Variants in CNTN3 observed in about 807,000 individuals in gnomAD.
CNTN3 encodes contactin 3.
CNTN3 carries 60 observed loss-of-function variants against 119.1 expected under a neutral mutation model. The ratio of observed to expected loss-of-function variants is 0.50; its 90% CI spans 0.41 to 0.62. The LOEUF is 0.62. CNTN3 is among the 20% of genes least tolerant of loss of function. CNTN3 has a pLI of 0.00. For synonymous variants in CNTN3, 450 were observed against 438.7 expected (o/e 1.03, Z -0.32); for missense variants, 1,101 against 1,242.4 (o/e 0.89, Z 1.71).
At chr3:74,560,889 C>T (rs1351820155) in intron 1 of CNTN3, among the ~76,000 whole-genome samples, 6 of 151,648 alleles carry the variant, frequency 4.0e-5, no homozygotes, top group Non-Finnish European at 7.4e-5. Flanking sequence ...ATGGATGAAG[C>T]TGGAAACCAT....
At chr3:74,597,861 A>G (rs1406268033) in intron 1 of CNTN3, among the ~76,000 whole-genome samples, 1 of 152,106 alleles carries the variant, frequency 6.6e-6, no homozygotes, top group Non-Finnish European at 1.5e-5. Flanking sequence ...AGGAGCTGAA[A>G]AAATTTCTTC....
chr3:74,308,026 C>CATCT (rs1349855129), intron 13 of CNTN3, among the ~76,000 whole-genome samples: 1 of 152,116 alleles, frequency 6.6e-6, no homozygotes, highest in Non-Finnish European at 1.5e-5. Flanking sequence ...ACATGTAAAT[C>CATCT]ATCTCCAGGT....
intron 1 of CNTN3, among the ~76,000 whole-genome samples, chr3:74,588,048 C>T (rs7642346): frequency 0.65 from 97,971 of 151,858 alleles, 32,191 homozygotes; most frequent in African/African-American, 0.78. Flanking sequence ...TCTATTGAGA[C>T]AATCATGTGG....
intron 4 of CNTN3, among the ~76,000 whole-genome samples, chr3:74,461,120 T>C (rs1702359703): frequency 6.6e-6 from 1 of 151,972 alleles, no homozygotes; most frequent in African/African-American, 2.4e-5. Context: ...ATTACTTTTC[T>C]TTCCCTCGCT....
intron 19 of CNTN3, among the ~76,000 whole-genome samples, chr3:74,291,923 C>G (rs993056327): frequency 6.6e-6 from 1 of 152,128 alleles, no homozygotes; most frequent in Non-Finnish European, 1.5e-5. Context: ...CTGGGCACTG[C>G]TTTAGAAAGA....
At chr3:74,455,620 TC>T (rs1167656903) in intron 4 of CNTN3, among the ~76,000 whole-genome samples, 4 of 152,056 alleles carry the variant, frequency 2.6e-5, no homozygotes, top group Non-Finnish European at 5.9e-5. Flanking sequence ...TTTTTCCCCA[TC>T]TTTGTGGTTT....
chr3:74,264,559 G>A, intron 22 of CNTN3, 58 bp from the exon 23 acceptor site: 3 of 1,132,472 alleles, frequency 2.6e-6, no homozygotes, highest in Non-Finnish European at 3.9e-6. Flanking sequence ...TAATCAGGGT[G>A]CTAGAGACTG....
At chr3:74,449,307 GT>G (rs1200758822) in intron 4 of CNTN3, among the ~76,000 whole-genome samples, 2 of 151,898 alleles carry the variant, frequency 1.3e-5, no homozygotes, top group African/African-American at 4.8e-5. Context: ...GAGGTTCTGA[GT>G]CTTAAGTAAA....
chr3:74,359,537 C>T (rs186387765), intron 11 of CNTN3, among the ~76,000 whole-genome samples: 21 of 152,052 alleles, frequency 1.4e-4, no homozygotes, highest in African/African-American at 3.1e-4. Context: ...GTTTGTGCCA[C>T]GAATCTATAC....
chr3:74,443,392 C>T (rs1701998196), intron 4 of CNTN3, among the ~76,000 whole-genome samples: 1 of 152,186 alleles, frequency 6.6e-6, no homozygotes, highest in Admixed American at 6.5e-5. Context: ...CCTGACCAGT[C>T]TCATATTCCT....
chr3:74,433,684 T>C (rs1024091303), intron 4 of CNTN3, among the ~76,000 whole-genome samples: 1 of 152,080 alleles, frequency 6.6e-6, no homozygotes, highest in African/African-American at 2.4e-5. Flanking sequence ...CCACATACAC[T>C]AAGCAACAAC....
chr3:74,431,249 G>C (rs955197170), intron 4 of CNTN3, among the ~76,000 whole-genome samples: 2 of 152,076 alleles, frequency 1.3e-5, no homozygotes, highest in Non-Finnish European at 2.9e-5. Context: ...AAAAGAAACT[G>C]GGGTCACTCT....
intron 14 of CNTN3, among the ~76,000 whole-genome samples, 169 bp from the exon 15 acceptor site, chr3:74,301,974 T>A (rs539774624): frequency 2.6e-5 from 4 of 152,216 alleles, no homozygotes; most frequent in Non-Finnish European, 4.4e-5. Flanking sequence ...ACTACTTCCC[T>A]CTACTCTCCC....
intron 11 of CNTN3, among the ~76,000 whole-genome samples, chr3:74,347,059 A>G (rs900332886): frequency 3.3e-5 from 5 of 152,218 alleles, no homozygotes; most frequent in African/African-American, 1.2e-4. Flanking sequence ...AGTGTTTTGG[A>G]AAATACAAGT....
intron 1 of CNTN3, among the ~76,000 whole-genome samples, chr3:74,540,881 T>G (rs989258917): frequency 2.6e-5 from 4 of 152,170 alleles, no homozygotes; most frequent in Non-Finnish European, 4.4e-5. Flanking sequence ...GGCAGTATAT[T>G]TAATTTCTAT....
At chr3:74,557,823 A>C in intron 1 of CNTN3, among the ~76,000 whole-genome samples, 1 of 151,908 alleles carries the variant, frequency 6.6e-6, no homozygotes, top group East Asian at 1.9e-4. Context: ...CCTTGAGGCC[A>C]GCTGCAGAGA....
chr3:74,560,022 C>T (rs1057512364), intron 1 of CNTN3, among the ~76,000 whole-genome samples: 1 of 152,164 alleles, frequency 6.6e-6, no homozygotes, highest in South Asian at 2.1e-4. Context: ...AACAGGCATG[C>T]TATTTCTGCA....
chr3:74,422,727 C>T (rs1701635953), intron 5 of CNTN3, among the ~76,000 whole-genome samples: 1 of 152,078 alleles, frequency 6.6e-6, no homozygotes, highest in Non-Finnish European at 1.5e-5. Flanking sequence ...CAAGACTACC[C>T]AGCTATTATG....
At chr3:74,405,394 G>A (rs1459044189) in intron 5 of CNTN3, among the ~76,000 whole-genome samples, 2 of 151,594 alleles carry the variant, frequency 1.3e-5, no homozygotes, top group African/African-American at 4.9e-5. Flanking sequence ...TTACTGCCTT[G>A]TTCCTACAGA....
Sources: gnomAD v4.1 joint callset for allele counts (sites outside exome capture counted in the v4.1 genomes callset) on GRCh38, gnomAD v4.1.1 for gene constraint, MANE v1.5 for transcripts, NCBI Gene and HGNC (gene_info 2026-07-23, HGNC 2026-07-21) for gene names.